Variants in KIF3A observed in about 807,000 individuals in gnomAD.
The protein encoded by KIF3A is kinesin family member 3A.
KIF3A carries 27 observed loss-of-function variants against 92.6 expected under a neutral mutation model. The observed-to-expected ratio is 0.29, with a 90% confidence interval of 0.21 to 0.40. KIF3A has a LOEUF of 0.40. Among genes scored for constraint, KIF3A ranks in the 10% least tolerant of loss-of-function variants. KIF3A has a pLI of 1.00. For missense variants in KIF3A, 581 were observed against 872.6 expected (o/e 0.67, Z 4.21); for synonymous variants, 250 against 275.4 (o/e 0.91, Z 0.92).
intron 2 of KIF3A, among the ~76,000 whole-genome samples, chr5:132,732,837 A>T (rs1754278226): frequency 1.3e-5 from 2 of 152,006 alleles, no homozygotes; most frequent in African/African-American, 4.8e-5. Flanking sequence ...TGAACCCAGG[A>T]GGCAGAAGTT....
At chr5:132,710,757 A>C (rs1753392893) in intron 9 of KIF3A, among the ~76,000 whole-genome samples, 1 of 152,238 alleles carries the variant, frequency 6.6e-6, no homozygotes, top group Non-Finnish European at 1.5e-5. Flanking sequence ...ATTCTAAAAA[A>C]ACAGAACATA....
rs547950935 is a variant in KIF3A, at chr5:132,692,948, C to A, written c.*3686G>T. 7.9e-5 allele frequency: 12 copies of A among 152,640 alleles called. No individual in the cohort carries two copies. Among genetic ancestry groups the A allele is most frequent in the Admixed American group, 1.3e-4 (2 of 15,294 alleles). The allele number at this position is 152,640 out of a possible 1,614,324, so 9.5% of individuals were successfully genotyped here. A position where few individuals can be genotyped will look rare whatever the true frequency, so the allele number is the denominator to read the frequency against. ...TGTATACATTAGGAAATTGGGCAGA[C>A]ATTGGTGTACTTAAATGTAAACGCT... is the stretch of plus-strand genomic sequence containing the variant. On this transcript the variant is annotated 3_prime_UTR_variant, in exon 19 of 19. Coordinates refer to ENST00000403231, the MANE Select transcript of KIF3A (RefSeq NM_001300791.2).
chr5:132,691,908 A>G (rs1239443736), downstream of KIF3A, among the ~76,000 whole-genome samples: 2 of 151,446 alleles, frequency 1.3e-5, no homozygotes, highest in Non-Finnish European at 2.9e-5. Flanking sequence ...GTCTCAAAAA[A>G]TAAGATAAAT....
chr5:132,732,925 G>A (rs1005066724), intron 2 of KIF3A, among the ~76,000 whole-genome samples: 16 of 149,996 alleles, frequency 1.1e-4, no homozygotes, highest in Admixed American at 6.6e-4. Flanking sequence ...AAAAAAAAAA[G>A]TAATGAATTG....
chr5:132,704,265 A>G (rs999948701), intron 11 of KIF3A, among the ~76,000 whole-genome samples: 2 of 151,972 alleles, frequency 1.3e-5, no homozygotes, highest in Non-Finnish European at 2.9e-5. Flanking sequence ...ACAGTAATTA[A>G]CCAAGCATTT....
At chr5:132,708,421 G>A (rs570939838) in intron 10 of KIF3A, among the ~76,000 whole-genome samples, 356 of 151,836 alleles carry the variant, frequency 2.3e-3, no homozygotes, top group Non-Finnish European at 4.1e-3. Context: ...CTTTATTTGG[G>A]AGCCTTTAAT....
chr5:132,727,906 T>G (rs1323106795), intron 2 of KIF3A, among the ~76,000 whole-genome samples: 4 of 151,498 alleles, frequency 2.6e-5, no homozygotes, highest in South Asian at 4.2e-4. Flanking sequence ...TTTCTCAGAC[T>G]TTTTTTTGTG....
intron 8 of KIF3A, among the ~76,000 whole-genome samples, chr5:132,714,605 A>C (rs1753554693): frequency 6.6e-6 from 1 of 152,198 alleles, no homozygotes; most frequent in African/African-American, 2.4e-5. Flanking sequence ...AATAGTGGTT[A>C]CCAGAGACTG....
intron 1 of KIF3A, chr5:132,736,677 C>G (rs535211374): frequency 1.5e-5 from 6 of 394,846 alleles, no homozygotes; most frequent in Admixed American, 1.4e-4. Flanking sequence ...TATTATTTCA[C>G]GCGGATAACA....
intron 15 of KIF3A, among the ~76,000 whole-genome samples, chr5:132,701,744 C>T (rs1215899887): frequency 2.0e-5 from 3 of 151,250 alleles, no homozygotes; most frequent in Admixed American, 1.3e-4. Flanking sequence ...TTACCATATA[C>T]ACACACACAC....
chr5:132,700,070 GC>G, intron 17 of KIF3A, 145 bp downstream of exon 17: 1 of 604,234 alleles, frequency 1.7e-6, no homozygotes, highest in Non-Finnish European at 2.9e-6. Flanking sequence ...CCATCCTAGA[GC>G]CTTTATTCCC....
At chr5:132,717,033 TAAA>T in intron 5 of KIF3A, 49 bp from the exon 6 acceptor site, 1 of 1,550,144 alleles carries the variant, frequency 6.5e-7, no homozygotes, top group Non-Finnish European at 8.8e-7. Flanking sequence ...AGAGTGCCTT[TAAA>T]AATAATTAAA....
intron 5 of KIF3A, among the ~76,000 whole-genome samples, chr5:132,719,540 G>T (rs573378375): frequency 1.3e-5 from 2 of 149,998 alleles, no homozygotes; most frequent in South Asian, 4.2e-4. Flanking sequence ...TGCCCAAGTT[G>T]GAGTGCAGTG....
intron 15 of KIF3A, among the ~76,000 whole-genome samples, chr5:132,701,128 G>A (rs1753021792): frequency 1.1e-5 from 1 of 91,250 alleles, no homozygotes; most frequent in Non-Finnish European, 3.2e-5. Context: ...TGTACCTGAG[G>A]TCCAAAAAAA....
In KIF3A at chr5:132,700,643, T is replaced by G; in HGVS notation, c.1938+4A>C. ...TTACGTGAAAGAATGAAGGTAATAC[T>G]CACTAGCTGCCATTCTCCTATGTCT... On this transcript the variant is annotated splice_donor_region_variant and intron_variant, in intron 16 of 18. Coordinates refer to ENST00000403231, the MANE Select transcript of KIF3A (RefSeq NM_001300791.2). The G allele has an allele frequency of 1.3e-6, 2 of 1,562,362 alleles. No homozygotes were observed. The highest frequency in any genetic ancestry group is 1.8e-6 in the Non-Finnish European group (2 of 1,133,132).
At chr5:132,705,058 T>A (rs1236948915) in intron 11 of KIF3A, among the ~76,000 whole-genome samples, 1 of 151,954 alleles carries the variant, frequency 6.6e-6, no homozygotes, top group East Asian at 1.9e-4. Context: ...TGGTGTGGTG[T>A]GATTCATTGC....
At chr5:132,725,586 G>C (rs1384124413) in intron 4 of KIF3A, among the ~76,000 whole-genome samples, 2 of 152,130 alleles carry the variant, frequency 1.3e-5, no homozygotes, top group African/African-American at 4.8e-5. Flanking sequence ...ATGACCTTGA[G>C]CAAGTCAAGA....
chr5:132,692,699 T>G lies in KIF3A; in HGVS notation c.*3935A>C. ...TACATACAATACCAATATATACAAC[T>G]TGAACAAATACAATTTATACATAAA... is the stretch of plus-strand genomic sequence containing the variant. On this transcript the variant is annotated 3_prime_UTR_variant, in exon 19 of 19. Transcript: ENST00000403231. The G allele has an allele frequency of 6.5e-6, 1 of 152,862 alleles. No individual in the cohort carries two copies. The highest frequency in any genetic ancestry group is 2.1e-4 in the South Asian group (1 of 4,826). 9.5% of individuals were successfully genotyped at this position (152,862 alleles called of 1,614,324 possible).
chr5:132,699,399 G>A, intron 17 of KIF3A, 104 bp from the exon 18 acceptor site: 2 of 1,166,804 alleles, frequency 1.7e-6, no homozygotes, highest in South Asian at 1.4e-5. Flanking sequence ...CAAACCCACA[G>A]AAGCTAAAAC....
Sources: gnomAD v4.1 joint callset for allele counts (sites outside exome capture counted in the v4.1 genomes callset) on GRCh38, gnomAD v4.1.1 for gene constraint, MANE v1.5 for transcripts, NCBI Gene and HGNC (gene_info 2026-07-23, HGNC 2026-07-21) for gene names.